Variants in TMC6 observed in about 807,000 individuals in gnomAD.
The protein encoded by TMC6 is transmembrane channel-like protein 6.
TMC6 carries 71 observed loss-of-function variants against 95.4 expected under a neutral mutation model. The ratio of observed to expected loss-of-function variants is 0.74; its 90% CI spans 0.61 to 0.91. TMC6 has a LOEUF of 0.91. Ranked by LOEUF, TMC6 falls within the 40% of genes least tolerant of loss-of-function variation. The probability of loss-of-function intolerance (pLI) is 0.00; values close to 1 mark genes in which losing one functional copy is unlikely to be tolerated. For missense variants in TMC6, 1,074 were observed against 1,079.1 expected, an observed-to-expected ratio of 1.00 and a Z score of 0.07; for synonymous variants, 514 against 483.1, an observed-to-expected ratio of 1.06 and a Z score of -0.84.
chr17:78,120,306 T>G, intron 13 of TMC6: 1 of 391,174 alleles, frequency 2.6e-6, no homozygotes, highest in Non-Finnish European at 5.0e-6. Flanking sequence ...ACTACTGGTG[T>G]GCGCCACCAC....
In TMC6 at chr17:78,119,054, G is replaced by C; in HGVS notation, c.1812-8C>G. The C allele has an allele frequency of 6.4e-7, 1 of 1,574,262 alleles. No homozygotes were observed. The highest frequency in any genetic ancestry group is 1.2e-5 in the South Asian group (1 of 86,742). ...GAGAAGAGCACCCCCAGCCTGGGGAGGGGGTGGCAGTTCAGGGGCTGCTCC... is the reference window on the plus strand; with the variant it reads ...GAGAAGAGCACCCCCAGCCTGGGGACGGGGTGGCAGTTCAGGGGCTGCTCC... On this transcript the variant is annotated splice_region_variant and splice_polypyrimidine_tract_variant and intron_variant, in intron 14 of 19. Transcript: ENST00000590602.
At chr17:78,118,634 G>C (rs1033729655) in intron 15 of TMC6, among the ~76,000 whole-genome samples, 4 of 152,230 alleles carry the variant, frequency 2.6e-5, no homozygotes, top group African/African-American at 9.6e-5. Flanking sequence ...GCATGACCCA[G>C]TTGCGGAGAG....
intron 4 of TMC6, 65 bp from the exon 5 acceptor site, chr17:78,125,949 T>A: frequency 6.5e-7 from 1 of 1,544,900 alleles, no homozygotes; most frequent in Non-Finnish European, 8.7e-7. Context: ...CAGGATGGGC[T>A]CACCACAGGC....
At position 78,122,898 on chromosome 17, in the gene TMC6, G is replaced by T; in HGVS notation, c.1083-149C>A. The T allele has an allele frequency of 1.9e-6, 2 of 1,056,796 alleles. No homozygotes were observed. The highest frequency in any genetic ancestry group is 2.8e-6 in the Non-Finnish European group (2 of 715,808). The allele number at this position is 1,056,796 out of a possible 1,614,324, so 65.5% of individuals were successfully genotyped here. On this transcript the variant is annotated intron_variant, in intron 9 of 19. Transcript: ENST00000590602. This position sits in a 1 kb window ranked among gnomAD's most constrained non-coding sequence, Gnocchi z 4.9. ...TGACTGGGCCTCCTGCCACACCCCT[G>T]CCCCACCACCAGCCCTCTACACCAG...
At chr17:78,119,102 C>G in intron 14 of TMC6, 56 bp from the exon 15 acceptor site, 1 of 1,539,786 alleles carries the variant, frequency 6.5e-7, no homozygotes. Context: ...TCCCCGAGAT[C>G]AGGCTGGTTC....
chr17:78,129,876 T>C (rs537039999), upstream of TMC6, among the ~76,000 whole-genome samples: 5 of 152,246 alleles, frequency 3.3e-5, no homozygotes, highest in South Asian at 4.1e-4. This position sits in a 1 kb window ranked among gnomAD's most constrained non-coding sequence, Gnocchi z 4.3. Flanking sequence ...CCACTTCCTA[T>C]TGACATGTAC....
At chr17:78,129,169 CG>C (rs1190052132), upstream of TMC6, among the ~76,000 whole-genome samples, 2 of 151,602 alleles carry the variant, frequency 1.3e-5, no homozygotes, top group Non-Finnish European at 2.9e-5. The surrounding 1 kb of genome is among the most constrained non-coding windows in gnomAD (Gnocchi z 4.3). Context: ...CCGACCCCGG[CG>C]GGGGGAGCCT....
intron 18 of TMC6, among the ~76,000 whole-genome samples, chr17:78,116,446 A>G (rs1313362069): frequency 6.6e-6 from 1 of 151,462 alleles, no homozygotes; most frequent in Non-Finnish European, 1.5e-5. Context: ...CTAACTTTTA[A>G]AATTTTTATA....
rs540613677 is a variant in TMC6, at chr17:78,109,248, G to A, written c.*3900C>T. On this transcript the variant is annotated 3_prime_UTR_variant, in exon 20 of 20. Transcript: ENST00000590602. ...TGGGGGAGAAGCCAGCAGACACAGA[G>A]GCATCATGGCGAGCCCCGACTGAGT... 86 of 351,586 alleles carry A rather than the reference G, an allele frequency of 2.4e-4. 1 individual carries two copies. The highest frequency in any genetic ancestry group is 1.8e-3 in the South Asian group (86 of 47,030). The allele number at this position is 351,586 out of a possible 1,614,324, so 21.8% of individuals were successfully genotyped here. A position where few individuals can be genotyped will look rare whatever the true frequency, so the allele number is the denominator to read the frequency against.
chr17:78,126,803 A>G lies in TMC6; in HGVS notation c.30T>C (p.Asp10=), dbSNP rs2074742875. The G allele has an allele frequency of 6.2e-7, 1 of 1,613,222 alleles. No individual in the cohort carries two copies. The highest frequency in any genetic ancestry group is 1.1e-5 in the South Asian group (1 of 91,050). Residue 10 remains aspartate, a synonymous_variant, in exon 2 of 20, where the codon GAT becomes GAC. Transcript: ENST00000590602. Reference sequence around the variant, plus strand: ...CCTGGTCCCCTGGGGTCTCAGGGACATCGAGGATGAAGGCCAGTGGCTGGG... The same window carrying G: ...CCTGGTCCCCTGGGGTCTCAGGGACGTCGAGGATGAAGGCCAGTGGCTGGG... The part of the protein sequence containing the change: MAQPLAFIL[D]VPETPGDQGQ...
rs754995263 is a variant in TMC6 at position 78,124,077 on chromosome 17, C to A, written c.994G>T (p.Val332Leu). The change falls in exon 9 of 20, where the codon GTG (valine) becomes TTG (leucine). Residue 332 changes from valine (V) to leucine (L), a missense_variant. Transcript: ENST00000590602. Reference sequence around the variant, plus strand: ...GGCATGTTGTAGGGCAGGCCACCCACCCTGGGTGTGCACTGGCTGCCATCC... The same window carrying A: ...GGCATGTTGTAGGGCAGGCCACCCAACCTGGGTGTGCACTGGCTGCCATCC... ...PLDGSQCTPRVGGLPYNMPLA... is the reference protein window; with the variant it reads ...PLDGSQCTPRLGGLPYNMPLA... 6 of 1,613,362 alleles carry A rather than the reference C, an allele frequency of 3.7e-6. No homozygotes were observed. The South Asian group carries it at 6.6e-5, about 18-fold the overall frequency.
intron 4 of TMC6, 73 bp from the exon 5 acceptor site, chr17:78,125,957 G>C: frequency 6.5e-7 from 1 of 1,540,154 alleles, no homozygotes. Context: ...GCTCACCACA[G>C]GCCTCTGCGT....
chr17:78,121,868 G>A lies in TMC6; in HGVS notation c.1228-157C>T, dbSNP rs1237448325. Reference sequence around the variant, plus strand: ...CCATGCCCCACCTGCCCTTTCATCTGCTGAGGGCCCTCCCTCCAGGCGCAG... The same window carrying A: ...CCATGCCCCACCTGCCCTTTCATCTACTGAGGGCCCTCCCTCCAGGCGCAG... On this transcript the variant is annotated intron_variant, in intron 10 of 19. Transcript: ENST00000590602. The surrounding 1 kb of genome is among the most constrained non-coding windows in gnomAD (Gnocchi z 5.6). Among the ~76,000 whole-genome samples, 1 of 152,164 alleles carries A rather than the reference G, an allele frequency of 6.6e-6. No individual in the cohort carries two copies. Among genetic ancestry groups the A allele is most frequent in the Non-Finnish European group, 1.5e-5 (1 of 68,022 alleles).
chr17:78,131,076 G>A, upstream of TMC6: 1 of 193,336 alleles, frequency 5.2e-6, no homozygotes, highest in Middle Eastern at 2.2e-3. Context: ...TGTGGCAGAT[G>A]CCGAGTCCCA....
intron 18 of TMC6, among the ~76,000 whole-genome samples, chr17:78,116,870 A>C (rs2074144375): frequency 6.6e-6 from 1 of 152,082 alleles, no homozygotes; most frequent in Non-Finnish European, 1.5e-5. Context: ...ACAGAGCGAG[A>C]CTCCGTCTCC....
chr17:78,120,940 T>C (rs564306887), intron 12 of TMC6, 73 bp downstream of exon 12: 3 of 1,612,236 alleles, frequency 1.9e-6, no homozygotes. Flanking sequence ...CTAAGTAGGT[T>C]TGGATACACC....
chr17:78,108,700 G>A lies in TMC6; in HGVS notation c.*4448C>T, dbSNP rs997738127. On this transcript the variant is annotated 3_prime_UTR_variant, in exon 20 of 20. Coordinates refer to ENST00000590602, the MANE Select transcript of TMC6 (RefSeq NM_001127198.5). ...CCCCACGCAAAGACCTCGTGGGCCT[G>A]GGTGTCCAGGGCACCATTTCCACCC... The A allele has an allele frequency of 3.2e-5, 5 of 154,554 alleles. No individual in the cohort carries two copies. The highest frequency in any genetic ancestry group is 1.2e-4 in the African/African-American group (5 of 41,586). The allele number at this position is 154,554 out of a possible 1,614,324, so 9.6% of individuals were successfully genotyped here.
chr17:78,128,798 C>CGGGGGGGGGGGGGG (rs549646681), upstream of TMC6: 2 of 75,226 alleles, frequency 2.7e-5, no homozygotes, highest in Admixed American at 1.7e-4. This position sits in a 1 kb window ranked among gnomAD's most constrained non-coding sequence, Gnocchi z 4.0. Context: ...CCCACGTGGG[C>CGGGGGGGGGGGGGG]GGGGGGGGGG....
rs529232896 is a variant in TMC6 at position 78,121,526 on chromosome 17, G to C, written c.1383+30C>G. 1 of 1,610,628 alleles carries C rather than the reference G, an allele frequency of 6.2e-7. No homozygotes were observed. On this transcript the variant is annotated intron_variant, in intron 11 of 19. Transcript: ENST00000590602. The surrounding 1 kb of genome is among the most constrained non-coding windows in gnomAD (Gnocchi z 5.6). ...CAGAGTCACTGGGGACACGTTCCAA[G>C]CAAGGGCCAGGCTCCCCCCATCCCC...
Sources: gnomAD v4.1 joint callset for allele counts (sites outside exome capture counted in the v4.1 genomes callset) on GRCh38, gnomAD v4.1.1 for gene constraint, Gnocchi (gnomAD v3.1) non-coding constraint, MANE v1.5 for transcripts, NCBI Gene and HGNC (gene_info 2026-07-23, HGNC 2026-07-21) for gene names.